Variants in TRIM38 observed in about 807,000 individuals in gnomAD.
The protein encoded by TRIM38 is tripartite motif containing 38, also known as E3 ubiquitin-protein ligase TRIM38.
Under a neutral mutation model 35.8 loss-of-function variants are expected in TRIM38, and 35 were observed. That is an observed-to-expected ratio of 0.98 (90% CI 0.75 to 1.30). The LOEUF (loss-of-function observed/expected upper bound fraction) is 1.30, where lower values mean the gene tolerates loss of function less well. Ranked by LOEUF, TRIM38 falls within the 50% of genes most tolerant of loss-of-function variation. TRIM38 has a pLI of 0.00. For missense variants in TRIM38, 545 were observed against 556.9 expected (o/e 0.98, Z 0.21); for synonymous variants, 198 against 204.7 (o/e 0.97, Z 0.28).
chr6:25,964,094 A>C (rs1759942965), intron 2 of TRIM38, among the ~76,000 whole-genome samples: 1 of 152,138 alleles, frequency 6.6e-6, no homozygotes, highest in Non-Finnish European at 1.5e-5. Context: ...ATCGACTCAC[A>C]AAAGGCAGGC....
Position 25,985,681 on chromosome 6 carries a change from G to A in TRIM38, c.*1994G>A, listed in dbSNP as rs1171627278. ...GTAATAGGACCCAGTGGGTAACCGAGGAACCCCACCTTTGTGCAGGATCAG... is the reference window on the plus strand; with the variant it reads ...GTAATAGGACCCAGTGGGTAACCGAAGAACCCCACCTTTGTGCAGGATCAG... On this transcript the variant is annotated 3_prime_UTR_variant, in exon 8 of 8. Transcript: ENST00000357085. The A allele has an allele frequency of 6.6e-6, 1 of 152,198 alleles. No homozygotes were observed. Among genetic ancestry groups the A allele is most frequent in the Non-Finnish European group, 1.5e-5 (1 of 68,054 alleles). 9.4% of individuals were successfully genotyped at this position (152,198 alleles called of 1,614,324 possible).
At chr6:25,978,138 A>G (rs1178784205) in intron 7 of TRIM38, among the ~76,000 whole-genome samples, 3 of 152,018 alleles carry the variant, frequency 2.0e-5, no homozygotes, top group African/African-American at 7.3e-5. Flanking sequence ...ATTTATTTAT[A>G]TATCTATATC....
At chr6:25,970,773 T>TA (rs1345934625) in intron 4 of TRIM38, among the ~76,000 whole-genome samples, 1 of 152,178 alleles carries the variant, frequency 6.6e-6, no homozygotes, top group Non-Finnish European at 1.5e-5. Context: ...TTAAGATAAG[T>TA]AGAGAGTTTA....
Position 25,972,092 on chromosome 6 carries a change from TG to T in TRIM38, c.732del (p.Leu244PhefsTer5). The T allele has an allele frequency of 6.2e-7, 1 of 1,614,078 alleles. No individual in the cohort carries two copies. ...AAATGTCAGGGCTCAGCCCAGAAAT[TG>T]CTGCAGGTGAGGCTGTGTACTTGGA... ...EEKCQGSAQK[L>X]LQNVNDTLSR... On this transcript the variant is annotated frameshift_variant, in exon 5 of 8. Transcript: ENST00000357085. LOFTEE classifies it high-confidence loss of function.
chr6:25,971,769 T>C, intron 4 of TRIM38, 100 bp from the exon 5 acceptor site: 1 of 995,560 alleles, frequency 1.0e-6, no homozygotes, highest in Non-Finnish European at 1.5e-6. Context: ...AGGCTTGTCA[T>C]GTAGTAGCGT....
At chr6:25,974,786 A>G (rs1362046465) in intron 7 of TRIM38, 1 of 710,422 alleles carries the variant, frequency 1.4e-6, no homozygotes, top group African/African-American at 1.9e-5. Flanking sequence ...TTTGAATGGC[A>G]AAGCCCATTT....
At chr6:25,968,464 A>G (rs1352349085) in intron 3 of TRIM38, among the ~76,000 whole-genome samples, 1 of 152,224 alleles carries the variant, frequency 6.6e-6, no homozygotes, top group African/African-American at 2.4e-5. Context: ...ACACATACAC[A>G]GGAGGTGGTT....
At chr6:25,979,702 A>G (rs1384847464) in intron 7 of TRIM38, among the ~76,000 whole-genome samples, 1 of 150,194 alleles carries the variant, frequency 6.7e-6, no homozygotes, top group African/African-American at 2.4e-5. Context: ...TCACTGTTAT[A>G]TTGTTTAATA....
At chr6:25,978,899 C>G (rs1470323636) in intron 7 of TRIM38, among the ~76,000 whole-genome samples, 1 of 152,132 alleles carries the variant, frequency 6.6e-6, no homozygotes, top group Non-Finnish European at 1.5e-5. Context: ...AACTCTTGGA[C>G]TCAAGTGATT....
intron 7 of TRIM38, chr6:25,973,631 GC>G (rs1356096164): frequency 2.0e-6 from 2 of 984,048 alleles, no homozygotes; most frequent in Non-Finnish European, 2.4e-6. Flanking sequence ...AAAGTGCTTA[GC>G]CCTGTGACTG....
chr6:25,978,261 C>A (rs926985735), intron 7 of TRIM38, among the ~76,000 whole-genome samples: 2 of 151,992 alleles, frequency 1.3e-5, no homozygotes, highest in African/African-American at 4.8e-5. Context: ...TCAGCCTCCC[C>A]AGTAGCTGGG....
chr6:25,978,024 A>AAT (rs150982301), intron 7 of TRIM38, among the ~76,000 whole-genome samples: 4 of 151,938 alleles, frequency 2.6e-5, no homozygotes, highest in South Asian at 2.1e-4. Flanking sequence ...GTGTCTTCAT[A>AAT]ATATATATAT....
intron 2 of TRIM38, among the ~76,000 whole-genome samples, chr6:25,965,922 T>TAA (rs746283264): frequency 3.9e-5 from 5 of 129,208 alleles, no homozygotes; most frequent in African/African-American, 8.6e-5. Context: ...TCCGTCTCAT[T>TAA]AAAAAAAAAA....
intron 4 of TRIM38, among the ~76,000 whole-genome samples, chr6:25,969,629 C>G (rs1760166294): frequency 6.6e-6 from 1 of 152,190 alleles, no homozygotes; most frequent in Admixed American, 6.5e-5. Context: ...CATCTTTAAA[C>G]TGTAGTTGGC....
In TRIM38 at chr6:25,991,227, T is replaced by C. The variant is rs1760819274; in HGVS notation, c.*7540T>C. ...CCATTAAAGATTGTATGTGAAATTA[T>C]AAAAGAAACGTTTTCACCTTTCTGT... is the stretch of plus-strand genomic sequence containing the variant. On this transcript the variant is annotated 3_prime_UTR_variant, in exon 8 of 8. Coordinates refer to ENST00000357085, the MANE Select transcript of TRIM38 (RefSeq NM_006355.5). The C allele has an allele frequency of 6.6e-6, 1 of 152,212 alleles. No individual in the cohort carries two copies. The highest frequency in any genetic ancestry group is 1.5e-5 in the Non-Finnish European group (1 of 68,036). The allele number at this position is 152,212 out of a possible 1,614,324, so 9.4% of individuals were successfully genotyped here. A position where few individuals can be genotyped will look rare whatever the true frequency, so the allele number is the denominator to read the frequency against.
At chr6:25,967,039 G>A in intron 3 of TRIM38, 106 bp downstream of exon 3, 2 of 1,202,856 alleles carry the variant, frequency 1.7e-6, no homozygotes, top group East Asian at 2.4e-5. Context: ...TGGAAATACA[G>A]CTTTCATCAT....
rs1206149996 is a variant in TRIM38 at position 25,989,793 on chromosome 6, GT to G, written c.*6110del. On this transcript the variant is annotated 3_prime_UTR_variant, in exon 8 of 8. Transcript: ENST00000357085. ...TTTATCACCTCTTCTTATAAATATG[GT>G]TTTCTTTTTTTAAATAAAAATTTAA... 2.0e-5 allele frequency: 3 copies of G among 151,316 alleles called. No homozygotes were observed. The highest frequency in any genetic ancestry group is 7.3e-5 in the African/African-American group (3 of 41,180). The allele number at this position is 151,316 out of a possible 1,614,324, so 9.4% of individuals were successfully genotyped here. A position where few individuals can be genotyped will look rare whatever the true frequency, so the allele number is the denominator to read the frequency against.
In TRIM38 at chr6:25,974,427, A is replaced by C. The variant is rs149243600; in HGVS notation, c.874+1142A>C. On this transcript the variant is annotated intron_variant, in intron 7 of 7. Transcript: ENST00000357085. The stretch of plus-strand genomic sequence containing the variant: ...CTGCCAGCAAGATGGAGTCTTACAT[A>C]ATGAAACGTAATCATAGAAATTATA... Among the ~76,000 whole-genome samples, 167 of 152,322 alleles carry C rather than the reference A, an allele frequency of 1.1e-3. 1 individual carries two copies. Among genetic ancestry groups the C allele is most frequent in the Non-Finnish European group, 1.5e-3 (99 of 68,024 alleles).
intron 7 of TRIM38, among the ~76,000 whole-genome samples, chr6:25,977,936 A>G (rs1283798377): frequency 6.6e-6 from 1 of 152,110 alleles, no homozygotes; most frequent in Admixed American, 6.5e-5. Flanking sequence ...GTGCTCTGCC[A>G]GCTCAGTCAA....
Sources: allele counts gnomAD v4.1 joint callset (sites outside exome capture counted in the v4.1 genomes callset), GRCh38; gene constraint gnomAD v4.1.1; transcripts MANE v1.5; gene names NCBI Gene and HGNC (gene_info 2026-07-23, HGNC 2026-07-21).